BPIFB1: variants seen among roughly 807,000 people sequenced by gnomAD.
The protein encoded by BPIFB1 is BPI fold-containing family B member 1.
Under a neutral mutation model 55.1 loss-of-function variants are expected in BPIFB1, and 34 were observed. The observed-to-expected ratio is 0.62, with a 90% CI of 0.47 to 0.82. The LOEUF is 0.82. Ranked by LOEUF, BPIFB1 falls within the 40% of genes least tolerant of loss-of-function variation. BPIFB1 has a pLI of 0.00. For synonymous variants in BPIFB1, 236 were observed against 245.3 expected, an observed-to-expected ratio of 0.96 and a Z score of 0.35; for missense variants, 532 against 593.1, an observed-to-expected ratio of 0.90 and a Z score of 1.07.
At chr20:33,307,220 C>G (rs1010726760) in intron 15 of BPIFB1, 2 of 504,912 alleles carry the variant, frequency 4.0e-6, no homozygotes, top group African/African-American at 3.9e-5. Flanking sequence ...GTCATTCATT[C>G]ATTCATTCAT....
In BPIFB1 at chr20:33,289,966, C is replaced by T. The variant is rs780531645; in HGVS notation, c.339C>T (p.Pro113=). The T allele has an allele frequency of 1.9e-6, 3 of 1,614,052 alleles. No homozygotes were observed. The African/African-American group carries it at 4.0e-5, about 22-fold the overall frequency. ...ACCAGGAGCTGCTAGTCAAGATCCC[C>T]CTGGACATGGTGGCTGGATTCAACA... ...ANDQELLVKI[P]LDMVAGFNTP... The change falls in exon 4 of 16, where the codon CCC becomes CCT. Residue 113 remains proline, a synonymous_variant. Transcript: ENST00000253354.
At chr20:33,306,109 G>A (rs1305768494) in intron 14 of BPIFB1, 44 bp downstream of exon 14, 9 of 1,604,484 alleles carry the variant, frequency 5.6e-6, no homozygotes, top group Non-Finnish European at 7.7e-6. Flanking sequence ...CCCAGGGCTT[G>A]GCTTTACTTC....
chr20:33,306,600 T>C, intron 14 of BPIFB1: 1 of 375,504 alleles, frequency 2.7e-6, no homozygotes. Context: ...TTTATTTTAT[T>C]AGACTGGAAA....
At chr20:33,290,706 G>A (rs1031143269) in intron 4 of BPIFB1, among the ~76,000 whole-genome samples, 37 of 152,200 alleles carry the variant, frequency 2.4e-4, no homozygotes, top group African/African-American at 8.4e-4. Flanking sequence ...AACTTGAGAA[G>A]CCCGTGAGAC....
intron 12 of BPIFB1, 27 bp from the exon 13 acceptor site, chr20:33,304,819 C>T (rs754917247): frequency 1.9e-6 from 3 of 1,613,968 alleles, no homozygotes; most frequent in African/African-American, 1.3e-5. Context: ...CTTCAGGGGC[C>T]GCTCTCACAG....
At chr20:33,290,907 C>A in intron 4 of BPIFB1, 50 bp from the exon 5 acceptor site, 1 of 1,595,708 alleles carries the variant, frequency 6.3e-7, no homozygotes, top group Non-Finnish European at 8.5e-7. Flanking sequence ...AGGGTTGCTC[C>A]AGCCCGAGCT....
At chr20:33,297,764 A>G in intron 7 of BPIFB1, 176 bp downstream of exon 7, 1 of 666,742 alleles carries the variant, frequency 1.5e-6, no homozygotes, top group Non-Finnish European at 2.7e-6. Context: ...GAAATTCGCC[A>G]CGACTAGGAC....
chr20:33,297,747 G>C (rs1223643000), intron 7 of BPIFB1, 159 bp downstream of exon 7: 3 of 751,726 alleles, frequency 4.0e-6, no homozygotes, highest in Non-Finnish European at 7.0e-6. Flanking sequence ...CCCCAGACGC[G>C]CAGACAGAAA....
At chr20:33,297,644 A>T in intron 7 of BPIFB1, 56 bp downstream of exon 7, 1 of 1,589,740 alleles carries the variant, frequency 6.3e-7, no homozygotes, top group Non-Finnish European at 8.6e-7. Flanking sequence ...TGGCCTCCAG[A>T]CCCTGACTCC....
chr20:33,291,401 G>T (rs750620152), intron 5 of BPIFB1, among the ~76,000 whole-genome samples: 7 of 152,160 alleles, frequency 4.6e-5, no homozygotes, highest in Non-Finnish European at 8.8e-5. Context: ...AGGTGTAGGT[G>T]GAGCCAGGGG....
At chr20:33,295,214 C>CAA (rs59451968) in intron 6 of BPIFB1, among the ~76,000 whole-genome samples, 1,481 of 120,020 alleles carry the variant, frequency 0.012, 28 homozygotes, top group African/African-American at 0.04. Flanking sequence ...AACTCTATCT[C>CAA]AAAAAAAAAA....
intron 13 of BPIFB1, 21 bp from the exon 14 acceptor site, chr20:33,305,981 T>C (rs772463727): frequency 6.2e-7 from 1 of 1,613,678 alleles, no homozygotes; most frequent in Non-Finnish European, 8.5e-7. Context: ...AGGGTGACAG[T>C]GCCCCTTCTC....
chr20:33,295,662 G>GAAAGAAAGAA (rs1980617971), intron 6 of BPIFB1, among the ~76,000 whole-genome samples: 2 of 136,124 alleles, frequency 1.5e-5, no homozygotes, highest in African/African-American at 6.7e-5. Context: ...GAAAGAAAGA[G>GAAAGAAAGAA]AGAAAGAAAG....
rs1980448126 is a variant in BPIFB1 at position 33,290,964 on chromosome 20, G to A, written c.373G>A (p.Val125Ile). Residue 125 changes from valine to isoleucine, a missense_variant, in exon 5 of 16, where the codon GTC becomes ATC. Val to Ile is a conservative substitution (Grantham distance 29, BLOSUM62 3). Transcript: ENST00000253354. ...DMVAGFNTPL[V>I]KTIVEFHMTT... is the part of the protein sequence containing the mutation. ...GGTGCCTCCACCCGCTAGGCCCCTG[G>A]TCAAGACCATCGTGGAGTTCCACAT... 1 of 1,613,680 alleles carries A rather than the reference G, an allele frequency of 6.2e-7. No homozygotes were observed. The highest frequency in any genetic ancestry group is 1.1e-5 in the South Asian group (1 of 91,070).
intron 11 of BPIFB1, 90 bp from the exon 12 acceptor site, chr20:33,303,868 G>T: frequency 1.5e-6 from 2 of 1,334,492 alleles, no homozygotes; most frequent in East Asian, 2.3e-5. Flanking sequence ...CAGGAACTGA[G>T]ATTCAGACCC....
At chr20:33,290,804 G>C (rs896206918) in intron 4 of BPIFB1, among the ~76,000 whole-genome samples, 153 bp from the exon 5 acceptor site, 5 of 152,254 alleles carry the variant, frequency 3.3e-5, no homozygotes, top group African/African-American at 1.2e-4. Context: ...ACTGAGCCTG[G>C]GACATGCTGG....
At chr20:33,304,483 C>T (rs1232332855) in intron 12 of BPIFB1, among the ~76,000 whole-genome samples, 1 of 152,110 alleles carries the variant, frequency 6.6e-6, no homozygotes, top group African/African-American at 2.4e-5. Context: ...ATGAGTTGTG[C>T]ACATATCAAA....
rs767380050 is a variant in BPIFB1, at chr20:33,301,463, G to T, written c.927+51G>T. 2.6e-6 allele frequency: 4 copies of T among 1,553,058 alleles called. No homozygotes were observed. The Admixed American group carries it at 7.0e-5, about 27-fold the overall frequency. ...TAGGGCCGCCCAGGCCACATCATAG[G>T]AATTTCCTGAACACAGGGTGCCCCT... On this transcript the variant is annotated intron_variant, in intron 9 of 15. Coordinates refer to ENST00000253354, the MANE Select transcript of BPIFB1 (RefSeq NM_033197.3).
Position 33,299,833 on chromosome 20 carries a change from C to T in BPIFB1, c.662-66C>T, listed in dbSNP as rs1980787904. 59 of 1,177,938 alleles carry T rather than the reference C, an allele frequency of 5.0e-5. 1 individual carries two copies. The South Asian group carries it at 6.4e-4, about 13-fold the overall frequency. 73.0% of individuals were successfully genotyped at this position (1,177,938 alleles called of 1,614,324 possible). On this transcript the variant is annotated intron_variant, in intron 7 of 15. Transcript: ENST00000253354. ...ACAGTACAGCTCCACCTGGAAGCAG[C>T]CCCCCAACTTCCCCCTCCAATACTG... is the stretch of plus-strand genomic sequence containing the variant.
Sources: gnomAD v4.1 joint callset for allele counts (sites outside exome capture counted in the v4.1 genomes callset) on GRCh38, gnomAD v4.1.1 for gene constraint, MANE v1.5 for transcripts, NCBI Gene and HGNC (gene_info 2026-07-23, HGNC 2026-07-21) for gene names.